HUNK: variants seen among roughly 807,000 people sequenced by gnomAD.
HUNK encodes hormonally up-regulated Neu-associated kinase.
Under a neutral mutation model 61.0 loss-of-function variants are expected in HUNK, and 21 were observed. That is an observed-to-expected ratio of 0.34 (90% CI 0.24 to 0.50). The LOEUF (loss-of-function observed/expected upper bound fraction) is 0.50, where lower values mean the gene tolerates loss of function less well. Among genes scored for constraint, HUNK ranks in the 20% least tolerant of loss-of-function variants. HUNK has a pLI of 0.98. For missense variants in HUNK, 772 were observed against 945.7 expected, an observed-to-expected ratio of 0.82 and a Z score of 2.41; for synonymous variants, 371 against 386.1, an observed-to-expected ratio of 0.96 and a Z score of 0.46.
chr21:31,943,076 A>G (rs1338926857), intron 3 of HUNK, among the ~76,000 whole-genome samples: 1 of 151,932 alleles, frequency 6.6e-6, no homozygotes, highest in Non-Finnish European at 1.5e-5. Context: ...CTTTTCTTCA[A>G]AGGCATTACC....
intron 1 of HUNK, among the ~76,000 whole-genome samples, chr21:31,911,917 C>T (rs2052548148): frequency 7.2e-5 from 6 of 82,950 alleles, no homozygotes; most frequent in East Asian, 3.6e-4. Context: ...AAAGGCTGGA[C>T]GGCAAGCAGG....
At position 32,000,274 on chromosome 21, in the gene HUNK, C is replaced by A. The variant is rs1040040314; in HGVS notation, c.*1090C>A. 2 of 398,994 alleles carry A rather than the reference C, an allele frequency of 5.0e-6. No individual in the cohort carries two copies. Among genetic ancestry groups the A allele is most frequent in the African/African-American group, 2.1e-5 (1 of 48,620 alleles). The allele number at this position is 398,994 out of a possible 1,614,324, so 24.7% of individuals were successfully genotyped here. On this transcript the variant is annotated 3_prime_UTR_variant, in exon 11 of 11. Transcript: ENST00000270112. ...CAGAGCTCGGCGAGTTTGCTGGGAG[C>A]TGGGAGCAGGCTTGCCTGGCAGAGA...
chr21:31,946,184 G>C lies in HUNK; in HGVS notation c.746+13G>C, dbSNP rs367617331. 5 of 1,604,144 alleles carry C rather than the reference G, an allele frequency of 3.1e-6. No homozygotes were observed. The highest frequency in any genetic ancestry group is 4.3e-6 in the Non-Finnish European group (5 of 1,171,922). ...ATGTCTGGTCCATGTGAGTTATCAA[G>C]CTTCTGAAAGTCAGTGTTCCTCCTG... On this transcript the variant is annotated intron_variant, in intron 4 of 10. Transcript: ENST00000270112.
intron 5 of HUNK, among the ~76,000 whole-genome samples, chr21:31,964,063 AT>A (rs1438800551): frequency 6.6e-6 from 1 of 152,142 alleles, no homozygotes; most frequent in Non-Finnish European, 1.5e-5. Flanking sequence ...AATGCCTTTT[AT>A]GGCTGAGCAG....
At chr21:31,987,628 TA>T (rs2053143002) in intron 8 of HUNK, among the ~76,000 whole-genome samples, 1 of 152,268 alleles carries the variant, frequency 6.6e-6, no homozygotes, top group Non-Finnish European at 1.5e-5. Flanking sequence ...GGTTAGGATT[TA>T]AATAGGAACC....
rs77096039 is a variant in HUNK at position 31,952,473 on chromosome 21, G to A, written c.746+6302G>A. ...TAATCAGACCTTCCCTCCACCTGCCGGGGTGGCTCTGTCCATTGCTTTGTC... is the reference window on the plus strand; with the variant it reads ...TAATCAGACCTTCCCTCCACCTGCCAGGGTGGCTCTGTCCATTGCTTTGTC... On this transcript the variant is annotated intron_variant, in intron 4 of 10. Transcript: ENST00000270112. Among the ~76,000 whole-genome samples, 345 of 152,162 alleles carry A rather than the reference G, an allele frequency of 2.3e-3. 2 individuals carry two copies. In the East Asian group the frequency reaches 0.033, roughly 15 times the overall value.
At chr21:31,976,217 G>T (rs141093755) in intron 7 of HUNK, among the ~76,000 whole-genome samples, 66 of 152,292 alleles carry the variant, frequency 4.3e-4, no homozygotes, top group Non-Finnish European at 8.8e-4. Flanking sequence ...TTCACAGATG[G>T]TGTCACTGTG....
rs147509750 is a variant in HUNK at position 31,989,430 on chromosome 21, C to A, written c.1258-699C>A. On this transcript the variant is annotated intron_variant, in intron 8 of 10. Transcript: ENST00000270112. Reference sequence around the variant, plus strand: ...CTATTAGAAATCAGAAGTGTAGTTACTTGGCCGGGCTCAGTGCTCATGCCT... The same window carrying A: ...CTATTAGAAATCAGAAGTGTAGTTAATTGGCCGGGCTCAGTGCTCATGCCT... 6.3e-3 allele frequency among the ~76,000 whole-genome samples: 959 copies of A among 152,180 alleles called. 10 individuals are homozygous for A. The highest frequency in any genetic ancestry group is 0.021 in the African/African-American group (860 of 41,536).
chr21:31,979,512 A>ATTTTTTT (rs1568940203), intron 7 of HUNK, among the ~76,000 whole-genome samples: 3 of 99,508 alleles, frequency 3.0e-5, no homozygotes, highest in Non-Finnish European at 2.0e-5. Context: ...AGTTGTTTGC[A>ATTTTTTT]TTCTTTTTTT....
At chr21:31,990,066 G>A in intron 8 of HUNK, 63 bp from the exon 9 acceptor site, 2 of 1,418,870 alleles carry the variant, frequency 1.4e-6, no homozygotes, top group South Asian at 2.3e-5. Context: ...CGTAGGGGAA[G>A]CATTTAGGGA....
chr21:31,917,016 G>A (rs912972518), intron 1 of HUNK, among the ~76,000 whole-genome samples: 1 of 151,986 alleles, frequency 6.6e-6, no homozygotes, highest in Non-Finnish European at 1.5e-5. Context: ...CTTGTATTTC[G>A]TTATCTCTGT....
At chr21:31,973,676 T>A (rs973113045) in intron 6 of HUNK, among the ~76,000 whole-genome samples, 1 of 152,116 alleles carries the variant, frequency 6.6e-6, no homozygotes, top group South Asian at 2.1e-4. Context: ...GGTTCTTAAT[T>A]CTAGGGCTGT....
intron 4 of HUNK, among the ~76,000 whole-genome samples, chr21:31,949,027 A>G (rs56051515): frequency 0.091 from 13,814 of 152,244 alleles, 890 homozygotes; most frequent in South Asian, 0.24. Context: ...GAACCTCAGG[A>G]CAGTCCTGTG....
chr21:31,963,084 A>G lies in HUNK; in HGVS notation c.874+4114A>G, dbSNP rs1003873075. Among the ~76,000 whole-genome samples the G allele has an allele frequency of 2.0e-5, 3 of 152,186 alleles. No individual in the cohort carries two copies. In the South Asian group the frequency reaches 6.2e-4, roughly 32 times the overall value. On this transcript the variant is annotated intron_variant, in intron 5 of 10. Coordinates refer to ENST00000270112, the MANE Select transcript of HUNK (RefSeq NM_014586.2). Reference sequence around the variant, plus strand: ...CAATCCTTTGCACCCCGCTAAGTTTATCTCCTCTCCCTTCCAACCAGCCTG... The same window carrying G: ...CAATCCTTTGCACCCCGCTAAGTTTGTCTCCTCTCCCTTCCAACCAGCCTG...
intron 9 of HUNK, among the ~76,000 whole-genome samples, chr21:31,993,455 C>T (rs1295307815): frequency 3.9e-5 from 6 of 152,164 alleles, no homozygotes; most frequent in Non-Finnish European, 1.5e-5. Context: ...GAAGGAACTG[C>T]CGTGTTGTCT....
intron 1 of HUNK, among the ~76,000 whole-genome samples, chr21:31,892,268 T>G (rs2052396168): frequency 3.9e-4 from 1 of 2,590 alleles, no homozygotes; most frequent in African/African-American, 1.8e-3. Flanking sequence ...ATTATTGTGT[T>G]AGTCAAGAAA....
intron 1 of HUNK, among the ~76,000 whole-genome samples, chr21:31,892,180 T>TATATATAGAG (rs1457688299): frequency 2.7e-5 from 3 of 109,720 alleles, no homozygotes; most frequent in African/African-American, 1.0e-4. Flanking sequence ...TATATATATA[T>TATATATAGAG]AGAGAGAGAG....
Position 31,988,528 on chromosome 21 carries a change from G to A in HUNK, c.1258-1601G>A, listed in dbSNP as rs372367596. The stretch of plus-strand genomic sequence containing the variant: ...AACTTTTCACAGTTCTGGAGGCCAG[G>A]TTCAGGGCTTACGGATGCATCACTA... On this transcript the variant is annotated intron_variant, in intron 8 of 10. Transcript: ENST00000270112. Among the ~76,000 whole-genome samples the A allele has an allele frequency of 4.9e-4, 74 of 152,106 alleles. 1 individual carries two copies. The highest frequency in any genetic ancestry group is 1.7e-3 in the African/African-American group (72 of 41,504).
chr21:31,999,885 A>T lies in HUNK; in HGVS notation c.*701A>T, dbSNP rs1601417479. 6.8e-6 allele frequency: 2 copies of T among 292,866 alleles called. No homozygotes were observed. The highest frequency in any genetic ancestry group is 6.2e-6 in the Non-Finnish European group (1 of 161,488). The allele number at this position is 292,866 out of a possible 1,614,324, so 18.1% of individuals were successfully genotyped here. On this transcript the variant is annotated 3_prime_UTR_variant, in exon 11 of 11. Coordinates refer to ENST00000270112, the MANE Select transcript of HUNK (RefSeq NM_014586.2). ...ATTATCTTTTCCAAAGATTTTTTTT[A>T]AATGTGATGTCGGTAAATTGAAATA...
Sources: gnomAD v4.1 joint callset for allele counts (sites outside exome capture counted in the v4.1 genomes callset) on GRCh38, gnomAD v4.1.1 for gene constraint, MANE v1.5 for transcripts, NCBI Gene and HGNC (gene_info 2026-07-23, HGNC 2026-07-21) for gene names.